OAS3: variants seen among roughly 807,000 people sequenced by gnomAD.
The protein encoded by OAS3 is 2'-5'-oligoadenylate synthetase 3.
Under a neutral mutation model 113.0 loss-of-function variants are expected in OAS3, and 107 were observed. The ratio of observed to expected loss-of-function variants is 0.95; its 90% confidence interval spans 0.81 to 1.11. The LOEUF (loss-of-function observed/expected upper bound fraction) is 1.11, where lower values mean the gene tolerates loss of function less well. Ranked by LOEUF, OAS3 falls within the 50% of genes most tolerant of loss-of-function variation. The pLI, the probability that OAS3 is intolerant of heterozygous loss-of-function variation, is 0.00. For synonymous variants in OAS3, 552 were observed against 573.6 expected, an observed-to-expected ratio of 0.96 and a Z score of 0.54; for missense variants, 1,258 against 1,389.1, an observed-to-expected ratio of 0.91 and a Z score of 1.50.
chr12:112,941,927 C>G, intron 2 of OAS3, 75 bp downstream of exon 2: 5 of 1,587,052 alleles, frequency 3.2e-6, no homozygotes, highest in Middle Eastern at 3.4e-4. Context: ...CCAATTCTAG[C>G]CCAGCCACCA....
At chr12:112,944,390 C>T (rs1047540004) in intron 2 of OAS3, 86 bp from the exon 3 acceptor site, 45 of 1,431,442 alleles carry the variant, frequency 3.1e-5, no homozygotes, top group East Asian at 6.9e-5. Context: ...TCTCTCTCAG[C>T]GCCCCAGGCT....
chr12:112,945,073 T>A, intron 3 of OAS3: 1 of 284,306 alleles, frequency 3.5e-6, no homozygotes, highest in Non-Finnish European at 6.9e-6. Context: ...GCACTTTGAG[T>A]GGCCGAGGCA....
intron 2 of OAS3, among the ~76,000 whole-genome samples, chr12:112,942,809 G>GTTA (rs150839864): frequency 0.046 from 6,775 of 147,276 alleles, 502 homozygotes; most frequent in African/African-American, 0.16. Flanking sequence ...TATTATTATT[G>GTTA]TTATTATTAT....
Position 112,963,499 on chromosome 12 carries a change from G to T in OAS3, c.2229+42G>T. 6.9e-7 allele frequency: 1 copy of T among 1,441,804 alleles called. No homozygotes were observed. The allele number at this position is 1,441,804 out of a possible 1,614,324, so 89.3% of individuals were successfully genotyped here. On this transcript the variant is annotated intron_variant, in intron 10 of 15. Transcript: ENST00000228928. The surrounding 1 kb of genome is among the most constrained non-coding windows in gnomAD (Gnocchi z 4.6). ...TGGGGGGCAGGGGGCCCTGCACCCTGCCTTCTAGTCAGGTTCCCTTAACCT... is the reference window on the plus strand; with the variant it reads ...TGGGGGGCAGGGGGCCCTGCACCCTTCCTTCTAGTCAGGTTCCCTTAACCT...
In OAS3 at chr12:112,950,697, G is replaced by A; in HGVS notation, c.1379G>A (p.Gly460Asp). Residue 460 changes from glycine (G) to aspartate (D), a missense_variant, in exon 7 of 16, where the codon GGC (glycine) becomes GAC (aspartate). Physicochemically the swap from Gly to Asp is moderately conservative, Grantham distance 94. Transcript: ENST00000228928. ...GAGCTGTTCTTCCCTCCACAGGGGG[G>A]CTCATTTGGCCGGGGCACAGACCTA... ...VHKASRVSKG[G>D]SFGRGTDLRD... 16 of 1,613,966 alleles carry A rather than the reference G, an allele frequency of 9.9e-6. No homozygotes were observed. The highest frequency in any genetic ancestry group is 1.4e-5 in the Non-Finnish European group (16 of 1,179,848).
intron 1 of OAS3, 144 bp from the exon 2 acceptor site, chr12:112,941,426 C>G: frequency 3.8e-6 from 3 of 798,216 alleles, no homozygotes; most frequent in South Asian, 3.5e-5. Flanking sequence ...TACCCTGGGC[C>G]CACATTCCCG....
chr12:112,966,514 G>A (rs1471855752), intron 12 of OAS3, among the ~76,000 whole-genome samples: 1 of 152,186 alleles, frequency 6.6e-6, no homozygotes, highest in Non-Finnish European at 1.5e-5. Context: ...GAACAAAATA[G>A]ACACAACTCT....
intron 7 of OAS3, among the ~76,000 whole-genome samples, chr12:112,959,688 C>T (rs2043865325): frequency 2.0e-5 from 3 of 152,114 alleles, no homozygotes; most frequent in African/African-American, 7.3e-5. Flanking sequence ...TCATCTCTCT[C>T]ATTGTTCCCA....
intron 3 of OAS3, among the ~76,000 whole-genome samples, chr12:112,945,583 A>G (rs1426137888): frequency 6.6e-6 from 1 of 152,098 alleles, no homozygotes; most frequent in Non-Finnish European, 1.5e-5. Context: ...ATGGGGGAAC[A>G]GGCTCCCCCA....
chr12:112,942,785 ATTG>A lies in OAS3; in HGVS notation c.460+942_460+944del, dbSNP rs779743524. Reference sequence around the variant, plus strand: ...GTTTACTATTATTATTATTTCTATTATTGTTGTTGTTTCTATTATTATTGTTAT... The same window carrying A: ...GTTTACTATTATTATTATTTCTATTATTGTTGTTTCTATTATTATTGTTAT... On this transcript the variant is annotated intron_variant, in intron 2 of 15. Transcript: ENST00000228928. Among the ~76,000 whole-genome samples, 52 of 149,914 alleles carry A rather than the reference ATTG, an allele frequency of 3.5e-4. 1 individual carries two copies. The highest frequency in any genetic ancestry group is 1.3e-3 in the South Asian group (6 of 4,752).
chr12:112,966,774 T>C (rs1054504828), intron 12 of OAS3, among the ~76,000 whole-genome samples: 1 of 152,162 alleles, frequency 6.6e-6, no homozygotes, highest in African/African-American at 2.4e-5. Context: ...CCTGAGAAAC[T>C]GGGACTACAG....
chr12:112,953,777 A>T (rs2043811480), intron 7 of OAS3, among the ~76,000 whole-genome samples: 1 of 152,114 alleles, frequency 6.6e-6, no homozygotes, highest in South Asian at 2.1e-4. Context: ...TTGGCTGCAT[A>T]AATGTCTTCT....
intron 7 of OAS3, among the ~76,000 whole-genome samples, chr12:112,957,613 A>G (rs1343974201): frequency 6.6e-6 from 1 of 152,220 alleles, no homozygotes; most frequent in Admixed American, 6.5e-5. Flanking sequence ...TTGACTGGAT[A>G]TGAAATTCTG....
intron 6 of OAS3, among the ~76,000 whole-genome samples, chr12:112,949,631 C>T (rs903026344): frequency 2.6e-5 from 4 of 152,178 alleles, no homozygotes; most frequent in African/African-American, 7.2e-5. Flanking sequence ...CTTCCCCAAC[C>T]ATTTGGCTCT....
intron 7 of OAS3, among the ~76,000 whole-genome samples, chr12:112,953,165 G>A (rs1456285157): frequency 1.3e-5 from 2 of 149,612 alleles, no homozygotes; most frequent in Non-Finnish European, 2.9e-5. Flanking sequence ...AGGCCCTGGT[G>A]TGTGATGTTC....
Position 112,968,284 on chromosome 12 carries a change from C to G in OAS3, c.3104+110C>G, listed in dbSNP as rs1418521683. ...GAAAACACTCTTCCTAGAACGGATT[C>G]CTTCCTAGAAGTTATATTTGTAGTA... is the stretch of plus-strand genomic sequence containing the variant. On this transcript the variant is annotated intron_variant, in intron 14 of 15. Transcript: ENST00000228928. The G allele has an allele frequency of 2.9e-6, 4 of 1,368,640 alleles. No individual in the cohort carries two copies. In the African/African-American group the frequency reaches 5.8e-5, roughly 20 times the overall value. 84.8% of individuals were successfully genotyped at this position (1,368,640 alleles called of 1,614,324 possible).
At position 112,950,693 on chromosome 12, in the gene OAS3, G is replaced by C. The variant is rs760860200; in HGVS notation, c.1375G>C (p.Gly459Arg). 45 of 1,613,886 alleles carry C rather than the reference G, an allele frequency of 2.8e-5. No individual in the cohort carries two copies. The highest frequency in any genetic ancestry group is 3.7e-5 in the Non-Finnish European group (44 of 1,179,824). Residue 459 changes from glycine to arginine, a missense_variant and splice_region_variant, in exon 7 of 16, where the codon GGG becomes CGG. By Grantham distance (125) the Gly-to-Arg change is moderately radical. Transcript: ENST00000228928. ...ATCTGAGCTGTTCTTCCCTCCACAG[G>C]GGGGCTCATTTGGCCGGGGCACAGA... is the stretch of plus-strand genomic sequence containing the variant. The part of the protein sequence containing the change: ...CVHKASRVSK[G>R]GSFGRGTDLR...
intron 7 of OAS3, among the ~76,000 whole-genome samples, chr12:112,952,830 G>A (rs904874143): frequency 2.6e-5 from 4 of 152,088 alleles, no homozygotes; most frequent in Non-Finnish European, 4.4e-5. Context: ...GTCAGTTATT[G>A]ATTTTTTGTT....
At position 112,946,877 on chromosome 12, in the gene OAS3, C is replaced by T. The variant is rs2043736393; in HGVS notation, c.771C>T (p.Gly257=). ...SLAEGLRTVL[G]LIQQHQHLCV... ...CCGAAGGCCTCCGAACTGTCCTGGG[C>T]CTGATCCAACAGCATCAGCACCTGT... The change falls in exon 4 of 16, where the codon GGC becomes GGT. Residue 257 remains glycine (G), a synonymous_variant. Transcript: ENST00000228928. The T allele has an allele frequency of 2.5e-6, 4 of 1,614,030 alleles. No individual in the cohort carries two copies. Among genetic ancestry groups the T allele is most frequent in the Non-Finnish European group, 3.4e-6 (4 of 1,179,886 alleles).
Sources: allele counts gnomAD v4.1 joint callset (sites outside exome capture counted in the v4.1 genomes callset), GRCh38; gene constraint gnomAD v4.1.1; non-coding constraint Gnocchi (gnomAD v3.1); transcripts MANE v1.5; gene names NCBI Gene and HGNC (gene_info 2026-07-23, HGNC 2026-07-21).